The following FREM2 variants were observed in gnomAD, a reference collection of about 807,000 sequenced individuals.
The protein encoded by FREM2 is FRAS1-related extracellular matrix protein 2.
In FREM2, 119 loss-of-function variants were observed where a neutral mutation model predicts 219.9. The ratio of observed to expected loss-of-function variants is 0.54; its 90% CI spans 0.47 to 0.63. The LOEUF is 0.63. Among genes scored for constraint, FREM2 ranks in the 30% least tolerant of loss-of-function variants. FREM2 has a pLI of 0.00. For missense variants in FREM2, 4,030 were observed against 3,993.6 expected, an observed-to-expected ratio of 1.01 and a Z score of -0.25; for synonymous variants, 1,562 against 1,522.8, an observed-to-expected ratio of 1.03 and a Z score of -0.60.
At position 38,692,490 on chromosome 13, in the gene FREM2, A is replaced by C; in HGVS notation, c.5146A>C (p.Asn1716His). The change falls in exon 1 of 24, where the codon AAC becomes CAC. Residue 1716 changes from asparagine to histidine, a missense_variant. Physicochemically the swap from Asn to His is moderately conservative, Grantham distance 68. This residue lies in a region of FREM2 where 3,102 missense variants were observed against 2,950.7 expected (regional missense o/e 1.05). Coordinates refer to ENST00000280481, the MANE Select transcript of FREM2 (RefSeq NM_207361.6). The part of the protein sequence containing the change: ...HGYLLNLDKG[N>H]HSITQFTQAD... ...ATATCTTCTCAACCTGGACAAAGGC[A>C]ACCACAGCATCACTCAGTTCACACA... The C allele has an allele frequency of 6.2e-7, 1 of 1,612,574 alleles. No homozygotes were observed. Among genetic ancestry groups the C allele is most frequent in the East Asian group, 2.2e-5 (1 of 44,874 alleles).
Position 38,690,509 on chromosome 13 carries a change from A to G in FREM2, c.3165A>G (p.Ile1055Met), listed in dbSNP as rs566807495. Reference sequence around the variant, plus strand: ...GCAATACTATCCAAGGAGTTACTATATGGGTGACCATCCTGCCTGTTGATA... The same window carrying G: ...GCAATACTATCCAAGGAGTTACTATGTGGGTGACCATCCTGCCTGTTGATA... ...IGGNTIQGVT[I>M]WVTILPVDSQ... The change falls in exon 1 of 24, where the codon ATA (isoleucine) becomes ATG (methionine). Residue 1055 changes from isoleucine (I) to methionine (M), a missense_variant. By Grantham distance (10) the Ile-to-Met change is conservative (BLOSUM62 1). Transcript: ENST00000280481. 9.5e-5 allele frequency: 154 copies of G among 1,614,196 alleles called. 2 individuals are homozygous for G. In the South Asian group the frequency reaches 1.6e-3, roughly 17 times the overall value.
At chr13:38,780,150 CAT>C (rs1874061891) in intron 4 of FREM2, among the ~76,000 whole-genome samples, 1 of 152,168 alleles carries the variant, frequency 6.6e-6, no homozygotes, top group African/African-American at 2.4e-5. Context: ...GCTAATTTGA[CAT>C]GTCAGCTTGG....
intron 6 of FREM2, among the ~76,000 whole-genome samples, chr13:38,837,907 T>G (rs955103472): frequency 6.6e-6 from 1 of 152,182 alleles, no homozygotes; most frequent in African/African-American, 2.4e-5. Flanking sequence ...TCTTGACTCT[T>G]TATCCAATTT....
chr13:38,801,395 T>A (rs1301592602), intron 6 of FREM2, among the ~76,000 whole-genome samples: 1 of 152,194 alleles, frequency 6.6e-6, no homozygotes, highest in Non-Finnish European at 1.5e-5. Flanking sequence ...GAAGATTTCT[T>A]TCCATGCTTT....
At chr13:38,746,026 A>G (rs1872467128) in intron 2 of FREM2, among the ~76,000 whole-genome samples, 1 of 152,110 alleles carries the variant, frequency 6.6e-6, no homozygotes, top group South Asian at 2.1e-4. Context: ...TTTCTGTATT[A>G]TATAAATTAG....
intron 16 of FREM2, among the ~76,000 whole-genome samples, chr13:38,869,235 AAC>A (rs1375129154): frequency 6.6e-6 from 1 of 152,236 alleles, no homozygotes; most frequent in African/African-American, 2.4e-5. Context: ...AATGAAAATC[AAC>A]ACACTCTGTA....
In FREM2 at chr13:38,687,428, C is replaced by T. The variant is rs141718695; in HGVS notation, c.84C>T (p.Pro28=). 1.2e-6 allele frequency: 2 copies of T among 1,601,676 alleles called. No homozygotes were observed. The highest frequency in any genetic ancestry group is 2.7e-5 in the African/African-American group (2 of 74,750). The change falls in exon 1 of 24, where the codon CCC becomes CCT. Residue 28 remains proline, a synonymous_variant. Transcript: ENST00000280481. ...TSFQPGPPPP[P]RLLLLLLLLL... is the part of the protein sequence containing the mutation. ...TTCAACCAGGACCGCCACCGCCGCC[C>T]CGGCTGCTGCTGCTGCTGCTGCTTC...
chr13:38,763,285 G>A (rs183502555), intron 2 of FREM2, among the ~76,000 whole-genome samples: 3 of 152,046 alleles, frequency 2.0e-5, no homozygotes, highest in East Asian at 3.9e-4. Context: ...TTAAAAGTTC[G>A]AGCAAAGATG....
intron 6 of FREM2, among the ~76,000 whole-genome samples, chr13:38,820,664 T>G (rs1378409499): frequency 6.6e-6 from 1 of 152,152 alleles, no homozygotes; most frequent in Middle Eastern, 3.2e-3. Flanking sequence ...AAGTCCTAAT[T>G]ATTTGCTGGC....
chr13:38,794,213 G>A (rs7982733), intron 6 of FREM2, among the ~76,000 whole-genome samples: 141,470 of 152,202 alleles, frequency 0.93, 66,628 homozygotes, highest in East Asian at 1. Flanking sequence ...CTCATTTAAA[G>A]GAAAGGAATA....
chr13:38,796,296 A>G (rs926222269), intron 6 of FREM2, among the ~76,000 whole-genome samples: 1 of 152,166 alleles, frequency 6.6e-6, no homozygotes, highest in African/African-American at 2.4e-5. Flanking sequence ...TCTCTCTGCC[A>G]TTATTACTCA....
chr13:38,784,440 G>A (rs1354811678), intron 5 of FREM2, 117 bp from the exon 6 acceptor site: 2 of 1,094,932 alleles, frequency 1.8e-6, no homozygotes, highest in African/African-American at 1.5e-5. Context: ...TGCAGTTCTA[G>A]GGGTGTTCAT....
At chr13:38,852,081 A>T (rs1363804330) in intron 11 of FREM2, among the ~76,000 whole-genome samples, 1 of 152,176 alleles carries the variant, frequency 6.6e-6, no homozygotes. Context: ...CTCCATCCCC[A>T]GAATAATGTA....
Position 38,859,431 on chromosome 13 carries a change from G to A in FREM2, c.7360G>A (p.Asp2454Asn), listed in dbSNP as rs370435877. 8 of 1,614,138 alleles carry A rather than the reference G, an allele frequency of 5.0e-6. No homozygotes were observed. Among genetic ancestry groups the A allele is most frequent in the Non-Finnish European group, 6.8e-6 (8 of 1,180,018 alleles). ...TGTGACCAGCCCTATGAGAGAAGTG[G>A]ACTTCGACACCTTTTTTACGTCATC... ...DGVTSPMREV[D>N]FDTFFTSSKM... is the part of the protein sequence containing the mutation. The change falls in exon 14 of 24, where the codon GAC (aspartate) becomes AAC (asparagine). Residue 2454 changes from aspartate (D) to asparagine (N), a missense_variant. Physicochemically the swap from Asp to Asn is conservative, Grantham distance 23. Around this residue, in one of 2 missense-constraint regions of FREM2, gnomAD observed 928 missense variants for 1,042.9 expected, o/e 0.89. Transcript: ENST00000280481.
intron 6 of FREM2, among the ~76,000 whole-genome samples, chr13:38,790,054 G>T (rs959860116): frequency 6.6e-6 from 1 of 152,040 alleles, no homozygotes; most frequent in Non-Finnish European, 1.5e-5. Context: ...TGCTAGGGTC[G>T]ATTTCTATGT....
At position 38,764,402 on chromosome 13, in the gene FREM2, G is replaced by C. The variant is rs1873354844; in HGVS notation, c.5362G>C (p.Asp1788His). 1.3e-6 allele frequency: 2 copies of C among 1,599,552 alleles called. No homozygotes were observed. The highest frequency in any genetic ancestry group is 2.7e-5 in the African/African-American group (2 of 74,650). ...GGTCAATGAGGACTCCAAATTTCTAGATGTTGTTCTTAAACGTAGAGGTTA... is the reference window on the plus strand; with the variant it reads ...GGTCAATGAGGACTCCAAATTTCTACATGTTGTTCTTAAACGTAGAGGTTA... ...YLVNEDSKFLDVVLKRRGYLG... is the reference protein window; with the variant it reads ...YLVNEDSKFLHVVLKRRGYLG... Residue 1788 changes from aspartate to histidine, a missense_variant, in exon 3 of 24, where the codon GAT (aspartate) becomes CAT (histidine). By Grantham distance (81) the Asp-to-His change is moderately conservative. Coordinates refer to ENST00000280481, the MANE Select transcript of FREM2 (RefSeq NM_207361.6).
chr13:38,857,682 G>A (rs1877611022), intron 12 of FREM2, among the ~76,000 whole-genome samples, 193 bp from the exon 13 acceptor site: 1 of 152,172 alleles, frequency 6.6e-6, no homozygotes, highest in Non-Finnish European at 1.5e-5. Flanking sequence ...GGAACCATAA[G>A]ATGTGAACAA....
chr13:38,765,178 G>A (rs2085425935), intron 3 of FREM2, among the ~76,000 whole-genome samples: 1 of 152,142 alleles, frequency 6.6e-6, no homozygotes, highest in Non-Finnish European at 1.5e-5. Flanking sequence ...CCAAAGTGCT[G>A]GGATTACAGG....
intron 2 of FREM2, among the ~76,000 whole-genome samples, chr13:38,705,691 A>T (rs1593354933): frequency 6.6e-6 from 1 of 152,206 alleles, no homozygotes; most frequent in African/African-American, 2.4e-5. Flanking sequence ...AAATAAGATC[A>T]TTCATGCGGC....
Sources: allele counts gnomAD v4.1 joint callset (sites outside exome capture counted in the v4.1 genomes callset), GRCh38; gene constraint gnomAD v4.1.1; regional missense constraint gnomAD v4.1.1; transcripts MANE v1.5; gene names NCBI Gene and HGNC (gene_info 2026-07-23, HGNC 2026-07-21).